VIT: variants seen among roughly 807,000 people sequenced by gnomAD.
The protein encoded by VIT is vitrin.
VIT carries 99 observed loss-of-function variants against 78.0 expected under a neutral mutation model. The ratio of observed to expected loss-of-function variants is 1.27; its 90% CI spans 1.08 to 1.50. The LOEUF is 1.50. Ranked by LOEUF, VIT falls within the 40% of genes most tolerant of loss-of-function variation. The pLI is 0.00. For missense variants in VIT, 1,126 were observed against 875.3 expected (o/e 1.29, Z -3.61); for synonymous variants, 374 against 334.3 (o/e 1.12, Z -1.29).
At chr2:36,766,478 C>G (rs909431575) in intron 6 of VIT, among the ~76,000 whole-genome samples, 3 of 152,090 alleles carry the variant, frequency 2.0e-5, no homozygotes, top group Admixed American at 2.0e-4. Flanking sequence ...CTGCAGTGAG[C>G]TATAATTGTG....
intron 14 of VIT, among the ~76,000 whole-genome samples, chr2:36,807,208 C>T (rs1368900357): frequency 6.6e-6 from 1 of 152,230 alleles, no homozygotes; most frequent in Non-Finnish European, 1.5e-5. Flanking sequence ...GCCCAACTCA[C>T]ATTTCTGATG....
At chr2:36,730,069 G>A (rs890373596) in intron 3 of VIT, among the ~76,000 whole-genome samples, 4 of 152,168 alleles carry the variant, frequency 2.6e-5, no homozygotes, top group African/African-American at 9.7e-5. Flanking sequence ...GCTGAGGCGG[G>A]CGGATCACTT....
intron 3 of VIT, among the ~76,000 whole-genome samples, chr2:36,734,183 C>T (rs761496927): frequency 1.1e-4 from 17 of 152,104 alleles, no homozygotes; most frequent in South Asian, 2.1e-4. Context: ...ATGTGATAAC[C>T]GGTGGACTAG....
chr2:36,783,507 G>T, intron 11 of VIT, 105 bp downstream of exon 11: 1 of 1,118,042 alleles, frequency 8.9e-7, no homozygotes, highest in Non-Finnish European at 1.3e-6. Flanking sequence ...TCCTACCGTG[G>T]ATCTATTTAT....
At chr2:36,725,487 C>T (rs997185521) in intron 2 of VIT, among the ~76,000 whole-genome samples, 5 of 151,008 alleles carry the variant, frequency 3.3e-5, no homozygotes, top group African/African-American at 1.2e-4. Flanking sequence ...TTTATAAGGG[C>T]ACTTGTCCCA....
intron 11 of VIT, 139 bp from the exon 12 acceptor site, chr2:36,786,990 A>G: frequency 9.4e-7 from 1 of 1,059,790 alleles, no homozygotes; most frequent in Non-Finnish European, 1.4e-6. Context: ...GTAAATAAAT[A>G]TACCCTGCAT....
chr2:36,806,981 C>T (rs1041020513), intron 14 of VIT, among the ~76,000 whole-genome samples: 3 of 152,156 alleles, frequency 2.0e-5, no homozygotes, highest in Non-Finnish European at 2.9e-5. Flanking sequence ...TCATCCTTCC[C>T]GCTGAACTGT....
At chr2:36,737,638 T>A (rs1667588106) in intron 3 of VIT, among the ~76,000 whole-genome samples, 1 of 152,234 alleles carries the variant, frequency 6.6e-6, no homozygotes, top group Non-Finnish European at 1.5e-5. Context: ...GAGTAGATGA[T>A]TCCTGAACCT....
At chr2:36,738,414 C>T (rs982849192) in intron 3 of VIT, among the ~76,000 whole-genome samples, 56 of 149,950 alleles carry the variant, frequency 3.7e-4, no homozygotes, top group African/African-American at 1.3e-3. Flanking sequence ...TTTGTAAGGA[C>T]CAAATGAAAG....
chr2:36,801,168 A>C, intron 12 of VIT, 133 bp from the exon 13 acceptor site: 1 of 804,514 alleles, frequency 1.2e-6, no homozygotes, highest in Non-Finnish European at 2.1e-6. Flanking sequence ...CCACAATGGG[A>C]CATTTTACAA....
intron 2 of VIT, among the ~76,000 whole-genome samples, chr2:36,727,179 G>A (rs1666907541): frequency 6.6e-6 from 1 of 151,766 alleles, no homozygotes; most frequent in South Asian, 2.1e-4. Context: ...TGTGATGAGT[G>A]TCCTTCTTCT....
chr2:36,814,094 G>C (rs1667386647), intron 15 of VIT, 89 bp from the exon 16 acceptor site: 2 of 1,487,540 alleles, frequency 1.3e-6, no homozygotes, highest in South Asian at 1.3e-5. Context: ...TTTGGATTTG[G>C]CTGTGCCAAC....
chr2:36,808,915 A>G lies in VIT; in HGVS notation c.1833A>G (p.Leu611=). Residue 611 remains leucine, a synonymous_variant, in exon 15 of 16, where the codon TTA becomes TTG. Transcript: ENST00000379242. ...AGTCCAAGCCCAACAAGAGGAAGTT[A>G]ATGATCCTCATCACCGACGGGAGGT... ...FKKSKPNKRK[L]MILITDGRSY... The G allele has an allele frequency of 6.2e-7, 1 of 1,613,946 alleles. No homozygotes were observed. The highest frequency in any genetic ancestry group is 8.5e-7 in the Non-Finnish European group (1 of 1,179,874).
intron 11 of VIT, among the ~76,000 whole-genome samples, chr2:36,786,900 A>G (rs550453536): frequency 7.9e-5 from 12 of 152,336 alleles, no homozygotes; most frequent in Admixed American, 4.6e-4. Flanking sequence ...TGGCAGATAC[A>G]TAGAGTTTTA....
intron 2 of VIT, among the ~76,000 whole-genome samples, chr2:36,727,943 T>C (rs948942615): frequency 1.3e-5 from 2 of 152,240 alleles, no homozygotes. Context: ...GTTTTCTTTT[T>C]TTTGAGATGA....
chr2:36,771,719 T>C (rs1669771899), intron 7 of VIT, among the ~76,000 whole-genome samples: 1 of 152,066 alleles, frequency 6.6e-6, no homozygotes, highest in Non-Finnish European at 1.5e-5. Flanking sequence ...CTAAGGTAAT[T>C]ATCAACCCGG....
At position 36,805,501 on chromosome 2, in the gene VIT, C is replaced by T. The variant is rs142238950; in HGVS notation, c.1226C>T (p.Ala409Val). The change falls in exon 14 of 16, where the codon GCT becomes GTT. Residue 409 changes from alanine to valine, a missense_variant. Ala to Val is a moderately conservative substitution (Grantham distance 64). Coordinates refer to ENST00000379242, the MANE Select transcript of VIT (RefSeq NM_053276.4). ...AAAGCCAATGGAAACAGAAGCGGGG[C>T]TCCCAATGTGGTGGTGGTGATGGTG... The part of the protein sequence containing the change: ...FSKANGNRSG[A>V]PNVVVVMVDG... The T allele has an allele frequency of 1.2e-6, 2 of 1,613,966 alleles. No individual in the cohort carries two copies. Among genetic ancestry groups the T allele is most frequent in the South Asian group, 1.1e-5 (1 of 91,058 alleles).
At position 36,755,955 on chromosome 2, in the gene VIT, A is replaced by AT. The variant is rs58344336; in HGVS notation, c.409+920dup. ...CGGTAGTGCTTGAGGACAACACAGT[A>AT]TTTTTTTTTTTTTTTTTTTGAGACG... On this transcript the variant is annotated intron_variant, in intron 5 of 15. Transcript: ENST00000379242. Among the ~76,000 whole-genome samples the AT allele has an allele frequency of 8.7e-3, 948 of 108,580 alleles. 30 individuals carry two copies. The highest frequency in any genetic ancestry group is 0.014 in the Admixed American group (120 of 8,730). The allele number at this position is 108,580 out of a possible 152,430, so 71.2% of individuals were successfully genotyped here.
intron 1 of VIT, among the ~76,000 whole-genome samples, chr2:36,699,870 GA>G (rs1475020250): frequency 2.2e-5 from 1 of 44,610 alleles, no homozygotes; most frequent in Non-Finnish European, 7.2e-5. Flanking sequence ...GTGTTAGGCG[GA>G]AAGCTGTTAC....
Sources: allele counts gnomAD v4.1 joint callset (sites outside exome capture counted in the v4.1 genomes callset), GRCh38; gene constraint gnomAD v4.1.1; transcripts MANE v1.5; gene names NCBI Gene and HGNC (gene_info 2026-07-23, HGNC 2026-07-21).